NXN: variants seen among roughly 807,000 people sequenced by gnomAD.
The protein encoded by NXN is nucleoredoxin 1.
In NXN, 16 loss-of-function variants were observed where a neutral mutation model predicts 48.6. The observed-to-expected ratio is 0.33, with a 90% CI of 0.22 to 0.50. The LOEUF (loss-of-function observed/expected upper bound fraction) is 0.50, where lower values mean the gene tolerates loss of function less well. Ranked by LOEUF, NXN falls within the 20% of genes least tolerant of loss-of-function variation. The pLI is 0.98. For missense variants in NXN, 492 were observed against 605.5 expected, an observed-to-expected ratio of 0.81 and a Z score of 1.97; for synonymous variants, 281 against 269.6, an observed-to-expected ratio of 1.04 and a Z score of -0.41.
chr17:822,910 A>G (rs1912892688), intron 3 of NXN, among the ~76,000 whole-genome samples: 2 of 150,064 alleles, frequency 1.3e-5, no homozygotes, highest in East Asian at 2.0e-4. Context: ...GACCAGCCTG[A>G]CCAACATGGA....
intron 5 of NXN, chr17:819,164 C>T: frequency 2.3e-6 from 1 of 433,322 alleles, no homozygotes; most frequent in East Asian, 5.0e-5. Context: ...CCAAACTGGT[C>T]TCGAACTCCT....
At chr17:805,020 T>TCCCCCCCCCCACCCCCCCCACCCCC in intron 6 of NXN, 48 bp downstream of exon 6, 1 of 1,512,884 alleles carries the variant, frequency 6.6e-7, no homozygotes, top group Non-Finnish European at 9.0e-7. Flanking sequence ...GCCCCTCCTG[T>TCCCCCCCCCCACCCCCCCCACCCCC]CCCGCCCCCC....
chr17:829,052 T>C (rs974022476), intron 1 of NXN, among the ~76,000 whole-genome samples: 2 of 151,950 alleles, frequency 1.3e-5, no homozygotes, highest in African/African-American at 2.4e-5. Context: ...AGAGAGCCCA[T>C]TTCCCAACCT....
intron 1 of NXN, among the ~76,000 whole-genome samples, chr17:864,458 G>A (rs573360824): frequency 2.6e-4 from 39 of 152,306 alleles, no homozygotes; most frequent in Admixed American, 2.4e-3. Context: ...TCAGGAGGGC[G>A]GATTGCATGG....
intron 2 of NXN, among the ~76,000 whole-genome samples, chr17:824,486 C>T (rs1474085892): frequency 1.3e-5 from 2 of 152,166 alleles, no homozygotes; most frequent in Non-Finnish European, 1.5e-5. Context: ...ATCATCGCCT[C>T]GGGGCCTCGG....
chr17:950,954 G>A (rs1285013396), intron 1 of NXN, among the ~76,000 whole-genome samples: 1 of 151,852 alleles, frequency 6.6e-6, no homozygotes, highest in Non-Finnish European at 1.5e-5. Context: ...TGACTTTCTG[G>A]AAGTCTAACT....
In NXN at chr17:864,103, GGC is replaced by G. The variant is rs1491047609; in HGVS notation, c.361-38027_361-38026del. ...TACCGTTGCTCGGTTCCGGTGAAGG[GGC>G]ACGTTTACCGTTGCTCACTTCCGGT... On this transcript the variant is annotated intron_variant, in intron 1 of 7. Transcript: ENST00000336868. 8.5e-5 allele frequency: 107 copies of G among 1,265,850 alleles called. No homozygotes were observed. The African/African-American group carries it at 1.6e-3, about 19-fold the overall frequency. The allele number at this position is 1,265,850 out of a possible 1,614,324, so 78.4% of individuals were successfully genotyped here.
intron 1 of NXN, among the ~76,000 whole-genome samples, chr17:847,416 T>C (rs2067875969): frequency 6.6e-6 from 1 of 151,772 alleles, no homozygotes; most frequent in African/African-American, 2.4e-5. Context: ...GAAAAAGAGA[T>C]CAAAGAAAAA....
chr17:878,404 G>A (rs2068241682), intron 1 of NXN: 1 of 129,842 alleles, frequency 7.7e-6, no homozygotes, highest in South Asian at 2.8e-4. Context: ...TTGAAGGTGG[G>A]GTTTGGGGGT....
chr17:885,349 C>T (rs1165618939), intron 1 of NXN, among the ~76,000 whole-genome samples: 2 of 151,906 alleles, frequency 1.3e-5, no homozygotes, highest in Non-Finnish European at 2.9e-5. Context: ...GTGGTGCAGG[C>T]GCCCGTCATC....
chr17:917,266 C>G lies in NXN; in HGVS notation c.360+62053G>C, dbSNP rs377511857. 6.6e-6 allele frequency among the ~76,000 whole-genome samples: 1 copy of G among 152,138 alleles called. No homozygotes were observed. Among genetic ancestry groups the G allele is most frequent in the Non-Finnish European group, 1.5e-5 (1 of 68,012 alleles). On this transcript the variant is annotated intron_variant, in intron 1 of 7. Coordinates refer to ENST00000336868, the MANE Select transcript of NXN (RefSeq NM_022463.5). The surrounding 1 kb of genome is among the most constrained non-coding windows in gnomAD (Gnocchi z 4.5). The stretch of plus-strand genomic sequence containing the variant: ...AAGCGATTCTCCTGCCTCAGCCTCC[C>G]GAGCAGCTGGGACTACAGGCGCCCG...
intron 5 of NXN, among the ~76,000 whole-genome samples, chr17:817,087 G>A (rs1046868073): frequency 3.3e-5 from 5 of 151,982 alleles, no homozygotes; most frequent in Non-Finnish European, 7.4e-5. Flanking sequence ...AGCACCCCCC[G>A]ACACACCCCA....
intron 1 of NXN, among the ~76,000 whole-genome samples, chr17:906,119 C>T (rs1437501379): frequency 1.3e-5 from 2 of 152,102 alleles, no homozygotes; most frequent in African/African-American, 4.8e-5. Context: ...TTCCTTTCAT[C>T]GTATCTGGGT....
At chr17:856,503 T>G (rs904141236) in intron 1 of NXN, among the ~76,000 whole-genome samples, 1 of 149,650 alleles carries the variant, frequency 6.7e-6, no homozygotes, top group African/African-American at 2.5e-5. Flanking sequence ...TTTTTTTTTT[T>G]TTTTTGAGAC....
intron 1 of NXN, among the ~76,000 whole-genome samples, chr17:864,950 T>C (rs775898703): frequency 9.9e-5 from 15 of 152,118 alleles, no homozygotes; most frequent in Non-Finnish European, 1.8e-4. Flanking sequence ...ATTCTAGAAT[T>C]TACCTCCTGC....
intron 1 of NXN, among the ~76,000 whole-genome samples, chr17:931,738 G>C (rs1326094407): frequency 2.0e-5 from 3 of 150,880 alleles, no homozygotes; most frequent in Non-Finnish European, 4.4e-5. Flanking sequence ...GGGAGGCTGA[G>C]GCAGGAGAAT....
intron 1 of NXN, among the ~76,000 whole-genome samples, chr17:912,107 T>C (rs528322064): frequency 6.6e-6 from 1 of 151,958 alleles, no homozygotes; most frequent in Admixed American, 6.6e-5. Context: ...ACGGCTAATT[T>C]TTCTATTTTT....
chr17:809,221 G>T (rs1911767519), intron 5 of NXN, among the ~76,000 whole-genome samples: 1 of 152,172 alleles, frequency 6.6e-6, no homozygotes, highest in Non-Finnish European at 1.5e-5. Context: ...CTACACTCCT[G>T]GGCTTGGAAC....
intron 1 of NXN, among the ~76,000 whole-genome samples, chr17:876,052 G>A (rs894754784): frequency 3.9e-5 from 6 of 151,988 alleles, no homozygotes; most frequent in African/African-American, 1.4e-4. Flanking sequence ...GTGGTGGCGT[G>A]CACCTGTAAT....
Sources: allele counts gnomAD v4.1 joint callset (sites outside exome capture counted in the v4.1 genomes callset), GRCh38; gene constraint gnomAD v4.1.1; non-coding constraint Gnocchi (gnomAD v3.1); transcripts MANE v1.5; gene names NCBI Gene and HGNC (gene_info 2026-07-23, HGNC 2026-07-21).